The following TMEM132D variants were observed in gnomAD, a reference collection of about 807,000 sequenced individuals.
TMEM132D encodes the protein transmembrane protein 132D, also known as mature OL transmembrane protein.
In TMEM132D, 21 loss-of-function variants were observed where a neutral mutation model predicts 62.3. That is an observed-to-expected ratio of 0.34 (90% CI 0.24 to 0.49). TMEM132D has a LOEUF of 0.49. TMEM132D is among the 20% of genes least tolerant of loss of function. The probability of loss-of-function intolerance (pLI) is 0.99; values close to 1 mark genes in which losing one functional copy is unlikely to be tolerated. For synonymous variants in TMEM132D, 621 were observed against 575.6 expected, an observed-to-expected ratio of 1.08 and a Z score of -1.13; for missense variants, 1,346 against 1,402.8, an observed-to-expected ratio of 0.96 and a Z score of 0.65.
chr12:129,625,376 C>T (rs1361806286), intron 2 of TMEM132D, among the ~76,000 whole-genome samples: 1 of 152,098 alleles, frequency 6.6e-6, no homozygotes, highest in African/African-American at 2.4e-5. Context: ...ATCTGTTTTC[C>T]CTCTTTACAA....
At chr12:129,598,911 C>T (rs1878415500) in intron 2 of TMEM132D, among the ~76,000 whole-genome samples, 1 of 152,140 alleles carries the variant, frequency 6.6e-6, no homozygotes, top group African/African-American at 2.4e-5. Context: ...GGCCTGGCTG[C>T]TCAGACCATC....
chr12:129,603,905 A>G (rs1233762417), intron 2 of TMEM132D, among the ~76,000 whole-genome samples: 1 of 152,226 alleles, frequency 6.6e-6, no homozygotes, highest in Non-Finnish European at 1.5e-5. Flanking sequence ...AATAGCAAAG[A>G]CTTGGAACCA....
intron 1 of TMEM132D, among the ~76,000 whole-genome samples, chr12:129,864,620 C>G (rs1328692799): frequency 6.6e-6 from 1 of 152,240 alleles, no homozygotes; most frequent in Non-Finnish European, 1.5e-5. Flanking sequence ...CTCCCGAGGA[C>G]AGCAGAGACA....
chr12:129,713,615 C>G (rs1355329750), intron 1 of TMEM132D, among the ~76,000 whole-genome samples: 1 of 152,206 alleles, frequency 6.6e-6, no homozygotes, highest in Admixed American at 6.5e-5. Flanking sequence ...ACAGATTTCA[C>G]AGCTGCACTG....
Position 129,443,347 on chromosome 12 carries a change from A to G in TMEM132D, c.1115+87712T>C, listed in dbSNP as rs77448041. 1.8e-3 allele frequency among the ~76,000 whole-genome samples: 273 copies of G among 152,336 alleles called. 2 individuals carry two copies. The highest frequency in any genetic ancestry group is 6.2e-3 in the African/African-American group (259 of 41,590). ...TCAAGGTCTATGTCAATCTCTGGGC[A>G]TCGCAAGTCTCTAGTATTTGAACTG... On this transcript the variant is annotated intron_variant, in intron 3 of 8. Transcript: ENST00000422113.
chr12:129,433,558 T>C (rs570259425), intron 3 of TMEM132D, among the ~76,000 whole-genome samples: 52 of 152,340 alleles, frequency 3.4e-4, no homozygotes, highest in African/African-American at 1.1e-3. Flanking sequence ...TTACAATTTT[T>C]CCCTTGCTGG....
At chr12:129,322,200 G>C (rs116185115) in intron 4 of TMEM132D, among the ~76,000 whole-genome samples, 1 of 150,758 alleles carries the variant, frequency 6.6e-6, no homozygotes, top group Admixed American at 6.6e-5. Context: ...GGTTTTTGTC[G>C]GACACACAGA....
At chr12:129,390,639 A>G (rs558350745) in intron 3 of TMEM132D, among the ~76,000 whole-genome samples, 3 of 152,270 alleles carry the variant, frequency 2.0e-5, no homozygotes, top group South Asian at 4.1e-4. Flanking sequence ...GGTCACCACA[A>G]GCCTGCGATT....
intron 2 of TMEM132D, among the ~76,000 whole-genome samples, chr12:129,647,665 C>T (rs1879821657): frequency 6.6e-6 from 1 of 152,198 alleles, no homozygotes; most frequent in Non-Finnish European, 1.5e-5. Context: ...TCCCTGATTA[C>T]TGGAGACATT....
At chr12:129,390,325 G>A (rs1016098620) in intron 3 of TMEM132D, among the ~76,000 whole-genome samples, 2 of 152,178 alleles carry the variant, frequency 1.3e-5, no homozygotes, top group Non-Finnish European at 2.9e-5. Flanking sequence ...GCTGAGGCAG[G>A]AACCACGTGC....
At chr12:129,449,394 C>T (rs1208625355) in intron 3 of TMEM132D, among the ~76,000 whole-genome samples, 2 of 152,196 alleles carry the variant, frequency 1.3e-5, no homozygotes, top group African/African-American at 4.8e-5. Flanking sequence ...AGCTTCTAAT[C>T]ACCGTGCAGA....
intron 5 of TMEM132D, among the ~76,000 whole-genome samples, chr12:129,181,208 T>C (rs1878056540): frequency 6.6e-6 from 1 of 152,144 alleles, no homozygotes; most frequent in Non-Finnish European, 1.5e-5. Flanking sequence ...CTGTTCTCCA[T>C]CCTGTCTCCT....
chr12:129,734,697 A>C (rs1869363525), intron 1 of TMEM132D, among the ~76,000 whole-genome samples: 1 of 152,226 alleles, frequency 6.6e-6, no homozygotes, highest in Non-Finnish European at 1.5e-5. Flanking sequence ...ATTAATTTAA[A>C]AAATTAATAA....
intron 2 of TMEM132D, among the ~76,000 whole-genome samples, chr12:129,606,371 T>A (rs1020014851): frequency 5.9e-5 from 9 of 152,256 alleles, no homozygotes; most frequent in African/African-American, 2.2e-4. Context: ...CTGTCATATG[T>A]ATGTAGGTAG....
At chr12:129,388,702 CT>C (rs1871204700) in intron 3 of TMEM132D, among the ~76,000 whole-genome samples, 1 of 107,450 alleles carries the variant, frequency 9.3e-6, no homozygotes, top group African/African-American at 3.8e-5. Context: ...CAATCCAGCA[CT>C]GATAATATTA....
At chr12:129,168,028 T>A (rs1877614641) in intron 5 of TMEM132D, among the ~76,000 whole-genome samples, 1 of 152,160 alleles carries the variant, frequency 6.6e-6, no homozygotes, top group African/African-American at 2.4e-5. Context: ...ACAATGGAGC[T>A]TTTTGCAAAA....
At chr12:129,254,545 T>A (rs1216060665) in intron 4 of TMEM132D, among the ~76,000 whole-genome samples, 1 of 152,136 alleles carries the variant, frequency 6.6e-6, no homozygotes, top group East Asian at 1.9e-4. Flanking sequence ...AATATGAGTA[T>A]CTAAATTATA....
chr12:129,255,454 T>A (rs984350747), intron 4 of TMEM132D, among the ~76,000 whole-genome samples: 3 of 152,204 alleles, frequency 2.0e-5, no homozygotes, highest in Non-Finnish European at 2.9e-5. Flanking sequence ...CTTCCTCTCA[T>A]GACTGTGCCT....
At chr12:129,420,404 T>C (rs929228748) in intron 3 of TMEM132D, among the ~76,000 whole-genome samples, 52 of 148,962 alleles carry the variant, frequency 3.5e-4, no homozygotes, top group African/African-American at 1.2e-3. Flanking sequence ...TTCTGACAGG[T>C]TTACAAATGA....
Sources: allele counts gnomAD v4.1 joint callset (sites outside exome capture counted in the v4.1 genomes callset), GRCh38; gene constraint gnomAD v4.1.1; transcripts MANE v1.5; gene names NCBI Gene and HGNC (gene_info 2026-07-23, HGNC 2026-07-21).